The following CADPS variants were observed in gnomAD, a reference collection of about 807,000 sequenced individuals.
The protein encoded by CADPS is calcium dependent secretion activator.
A neutral mutation model predicts 167.3 loss-of-function variants in CADPS; 57 were observed. The observed-to-expected ratio is 0.34, with a 90% CI of 0.28 to 0.42. The LOEUF (loss-of-function observed/expected upper bound fraction) is 0.42. Among genes scored for constraint, CADPS ranks in the 20% least tolerant of loss-of-function variants. CADPS has a pLI of 1.00. For missense variants in CADPS, 1,414 were observed against 1,738.1 expected (o/e 0.81, Z 3.32); for synonymous variants, 676 against 635.3 (o/e 1.06, Z -0.96).
At chr3:62,699,585 C>T (rs6445288) in intron 3 of CADPS, among the ~76,000 whole-genome samples, 66,240 of 138,512 alleles carry the variant, frequency 0.48, 15,573 homozygotes, top group African/African-American at 0.61. Context: ...TTGTTTTGTT[C>T]TGAGACAGAG....
At chr3:62,788,937 G>C (rs1473446207) in intron 1 of CADPS, among the ~76,000 whole-genome samples, 1 of 152,200 alleles carries the variant, frequency 6.6e-6, no homozygotes, top group Non-Finnish European at 1.5e-5. Flanking sequence ...AGGAAACAGA[G>C]TTGAGGCTCC....
intron 13 of CADPS, among the ~76,000 whole-genome samples, chr3:62,525,840 A>T (rs1223902064): frequency 6.6e-6 from 1 of 152,146 alleles, no homozygotes; most frequent in Admixed American, 6.6e-5. Context: ...AGGAACCATT[A>T]TGTGACATGG....
At chr3:62,705,408 G>A (rs1311038515) in intron 3 of CADPS, among the ~76,000 whole-genome samples, 2 of 152,094 alleles carry the variant, frequency 1.3e-5, no homozygotes, top group Non-Finnish European at 2.9e-5. Flanking sequence ...TCCCAGGTGC[G>A]ATGGTTAATA....
chr3:62,838,159 A>C (rs1040210908), intron 1 of CADPS, among the ~76,000 whole-genome samples: 1 of 152,184 alleles, frequency 6.6e-6, no homozygotes, highest in Non-Finnish European at 1.5e-5. Flanking sequence ...CACCCCCAAG[A>C]TCAGCCCAGG....
intron 8 of CADPS, among the ~76,000 whole-genome samples, chr3:62,575,540 C>T (rs2924116): frequency 0.48 from 73,552 of 152,068 alleles, 20,419 homozygotes; most frequent in East Asian, 0.69. Flanking sequence ...AAAGTAAATA[C>T]TTGCTATTAG....
At chr3:62,429,812 G>C (rs2053568877) in intron 28 of CADPS, among the ~76,000 whole-genome samples, 1 of 152,080 alleles carries the variant, frequency 6.6e-6, no homozygotes, top group Non-Finnish European at 1.5e-5. Flanking sequence ...TGGCTTCTTA[G>C]AATGATTAAT....
At chr3:62,688,755 C>A (rs1201765348) in intron 3 of CADPS, among the ~76,000 whole-genome samples, 1 of 151,990 alleles carries the variant, frequency 6.6e-6, no homozygotes, top group East Asian at 1.9e-4. Flanking sequence ...TAAGAACTTG[C>A]CATCCTCAGA....
intron 4 of CADPS, 118 bp downstream of exon 4, chr3:62,662,196 C>T: frequency 1.1e-6 from 1 of 880,494 alleles, no homozygotes; most frequent in Non-Finnish European, 1.9e-6. Context: ...GGTGATTGTC[C>T]TCATCTTCCC....
In CADPS at chr3:62,842,735, A is replaced by G. The variant is rs565823600; in HGVS notation, c.441+31854T>C. 9.2e-5 allele frequency among the ~76,000 whole-genome samples: 14 copies of G among 152,340 alleles called. 1 individual carries two copies. Among genetic ancestry groups the G allele is most frequent in the Admixed American group, 5.9e-4 (9 of 15,304 alleles). ...GTCAAATACAAGGTGATAGAGAGCCAGAATCCGGGCTTTATGACCCATGCC... is the reference window on the plus strand; with the variant it reads ...GTCAAATACAAGGTGATAGAGAGCCGGAATCCGGGCTTTATGACCCATGCC... On this transcript the variant is annotated intron_variant, in intron 1 of 29. Coordinates refer to ENST00000383710, the MANE Select transcript of CADPS (RefSeq NM_003716.4).
chr3:62,574,520 C>T (rs2081916867), intron 8 of CADPS, among the ~76,000 whole-genome samples: 1 of 152,122 alleles, frequency 6.6e-6, no homozygotes, highest in Non-Finnish European at 1.5e-5. Flanking sequence ...GCTGATGAGG[C>T]CAGCACAAAC....
chr3:62,685,974 T>C (rs2077958657), intron 3 of CADPS, among the ~76,000 whole-genome samples: 1 of 151,998 alleles, frequency 6.6e-6, no homozygotes, highest in Admixed American at 6.6e-5. Context: ...TTCAAATAGC[T>C]AGGAGGAGGA....
chr3:62,650,382 C>T (rs2069784855), intron 5 of CADPS, among the ~76,000 whole-genome samples: 1 of 152,068 alleles, frequency 6.6e-6, no homozygotes, highest in Non-Finnish European at 1.5e-5. Flanking sequence ...ACAATACTAG[C>T]CTGAATGGGT....
intron 24 of CADPS, among the ~76,000 whole-genome samples, chr3:62,468,965 A>C (rs1352233847): frequency 1.3e-5 from 2 of 152,206 alleles, no homozygotes; most frequent in Non-Finnish European, 2.9e-5. Context: ...CGTGGTTTAG[A>C]AACTGAGAGG....
intron 6 of CADPS, among the ~76,000 whole-genome samples, chr3:62,622,920 T>A (rs1282778778): frequency 6.6e-6 from 1 of 152,188 alleles, no homozygotes; most frequent in Non-Finnish European, 1.5e-5. Flanking sequence ...TTTGGAAATG[T>A]TCATGAACAC....
rs1394583641 is a variant in CADPS at position 62,650,877 on chromosome 3, C to T, written c.1173G>A (p.Lys391=). ...ATGAGAAAGACAGCACGACATCTGA[C>T]TTGGAGAGCTGGTTCTCACTCTCCT... ...MGEESENQLS[K]SDVVLSFSLE... is the part of the protein sequence containing the mutation. The change falls in exon 5 of 30, where the codon AAG becomes AAA. Residue 391 remains lysine (K), a synonymous_variant. Transcript: ENST00000383710. 6.2e-7 allele frequency: 1 copy of T among 1,614,028 alleles called. No individual in the cohort carries two copies. The highest frequency in any genetic ancestry group is 8.5e-7 in the Non-Finnish European group (1 of 1,179,950).
At chr3:62,631,232 T>C (rs996516073) in intron 6 of CADPS, among the ~76,000 whole-genome samples, 4 of 152,104 alleles carry the variant, frequency 2.6e-5, no homozygotes, top group Non-Finnish European at 5.9e-5. Context: ...TTAATCTGAG[T>C]TTACTGTAAT....
At chr3:62,818,278 C>T (rs903964406) in intron 1 of CADPS, among the ~76,000 whole-genome samples, 1 of 152,146 alleles carries the variant, frequency 6.6e-6, no homozygotes, top group Admixed American at 6.6e-5. Flanking sequence ...GGGACCCACA[C>T]TACATCTACT....
intron 1 of CADPS, among the ~76,000 whole-genome samples, chr3:62,870,260 T>C (rs963740756): frequency 1.3e-5 from 2 of 152,172 alleles, no homozygotes; most frequent in Non-Finnish European, 2.9e-5. Context: ...GGTAGAATTT[T>C]TTTTTAGACT....
At chr3:62,560,808 C>CTACACTCTTAACCTTCCATTTTAGAAG in intron 9 of CADPS, among the ~76,000 whole-genome samples, 1 of 152,048 alleles carries the variant, frequency 6.6e-6, no homozygotes, top group Non-Finnish European at 1.5e-5. Flanking sequence ...GGGCTGGGCG[C>CTACACTCTTAACCTTCCATTTTAGAAG]AGTGGCTTAC....
Sources: allele counts gnomAD v4.1 joint callset (sites outside exome capture counted in the v4.1 genomes callset), GRCh38; gene constraint gnomAD v4.1.1; transcripts MANE v1.5; gene names NCBI Gene and HGNC (gene_info 2026-07-23, HGNC 2026-07-21).